RUNX1T1: variants seen among roughly 807,000 people sequenced by gnomAD.
RUNX1T1 encodes the protein RUNX1 partner transcriptional co-repressor 1, also known as protein CBFA2T1.
In RUNX1T1, 4 loss-of-function variants were observed where a neutral mutation model predicts 62.8. That is an observed-to-expected ratio of 0.06 (90% CI 0.03 to 0.15). The LOEUF (loss-of-function observed/expected upper bound fraction) is 0.15, where lower values mean the gene tolerates loss of function less well. Among genes scored for constraint, RUNX1T1 ranks in the 10% least tolerant of loss-of-function variants. The pLI is 1.00. For missense variants in RUNX1T1, 508 were observed against 754.3 expected (o/e 0.67, Z 3.82); for synonymous variants, 291 against 286.0 (o/e 1.02, Z -0.18).
intron 2 of RUNX1T1, chr8:92,071,197 A>C (rs1377887983): frequency 6.6e-6 from 1 of 152,228 alleles, no homozygotes; most frequent in Non-Finnish European, 1.5e-5. Flanking sequence ...AAAAGGAAAA[A>C]ACATTCAAGT....
chr8:91,995,034 A>AT (rs1818403753), intron 5 of RUNX1T1, among the ~76,000 whole-genome samples: 1 of 152,224 alleles, frequency 6.6e-6, no homozygotes, highest in South Asian at 2.1e-4. Context: ...TGAACAATTT[A>AT]TTATTTATAC....
At chr8:92,066,557 G>A (rs1295266021), upstream of RUNX1T1, among the ~76,000 whole-genome samples, 1 of 152,210 alleles carries the variant, frequency 6.6e-6, no homozygotes, top group East Asian at 1.9e-4. Context: ...TTGGGCTAAG[G>A]GAGATGGACC....
At chr8:92,069,174 G>A (rs1181273413) in intron 2 of RUNX1T1, among the ~76,000 whole-genome samples, 4 of 149,606 alleles carry the variant, frequency 2.7e-5, no homozygotes, top group Non-Finnish European at 3.0e-5. Context: ...TCTAAAATGA[G>A]CATGTATTAT....
chr8:92,038,057 T>TATTTATTTATTTATTTATTTA (rs1827752996), intron 1 of RUNX1T1, among the ~76,000 whole-genome samples: 1 of 151,846 alleles, frequency 6.6e-6, no homozygotes, highest in African/African-American at 2.4e-5. Flanking sequence ...TTTATTTATT[T>TATTTATTTATTTATTTATTTA]ATTTATTTAT....
upstream of RUNX1T1, among the ~76,000 whole-genome samples, chr8:92,066,960 T>C (rs1327155144): frequency 6.6e-6 from 1 of 152,204 alleles, no homozygotes; most frequent in Non-Finnish European, 1.5e-5. Context: ...CCCTCAAATA[T>C]TTCCTTTGGG....
At chr8:91,963,975 T>G (rs1332119489) in intron 10 of RUNX1T1, among the ~76,000 whole-genome samples, 1 of 152,176 alleles carries the variant, frequency 6.6e-6, no homozygotes, top group African/African-American at 2.4e-5. Flanking sequence ...TTTGTGATAA[T>G]GTTATTCCCT....
At chr8:91,976,238 T>A (rs1813916092) in intron 8 of RUNX1T1, among the ~76,000 whole-genome samples, 1 of 152,236 alleles carries the variant, frequency 6.6e-6, no homozygotes, top group East Asian at 1.9e-4. Flanking sequence ...TACAATATGA[T>A]GTTTGGGAAC....
chr8:92,067,951 G>A (rs1317150047), upstream of RUNX1T1, among the ~76,000 whole-genome samples: 1 of 152,042 alleles, frequency 6.6e-6, no homozygotes, highest in Non-Finnish European at 1.5e-5. Flanking sequence ...TAAATTTTAT[G>A]CTATTTAAAC....
chr8:92,032,382 T>C (rs1010662956), intron 1 of RUNX1T1, among the ~76,000 whole-genome samples: 1 of 152,114 alleles, frequency 6.6e-6, no homozygotes, highest in Non-Finnish European at 1.5e-5. Flanking sequence ...TCACTCATTC[T>C]GTATGAATAA....
chr8:92,014,992 A>G (rs1563760022), intron 2 of RUNX1T1, among the ~76,000 whole-genome samples, 172 bp from the exon 4 acceptor site: 1 of 152,214 alleles, frequency 6.6e-6, no homozygotes, highest in South Asian at 2.1e-4. Flanking sequence ...CAGGTACTCT[A>G]TAACTAAATG....
At chr8:92,004,183 T>C (rs1820290680) in intron 5 of RUNX1T1, among the ~76,000 whole-genome samples, 1 of 152,168 alleles carries the variant, frequency 6.6e-6, no homozygotes, top group African/African-American at 2.4e-5. Context: ...GTCAGGGTGT[T>C]AACCTCTCAA....
rs537915137 is a variant in RUNX1T1, at chr8:92,043,794, T to A, written c.7+18752A>T. Among the ~76,000 whole-genome samples, 40 of 152,028 alleles carry A rather than the reference T, an allele frequency of 2.6e-4. No individual in the cohort carries two copies. In the South Asian group the frequency reaches 8.1e-3, roughly 31 times the overall value. On this transcript the variant is annotated intron_variant, in intron 1 of 10. Coordinates refer to ENST00000396218, the Ensembl canonical transcript of RUNX1T1. The stretch of plus-strand genomic sequence containing the variant: ...AAGTTCGAGACCAGCCTGGCTAACA[T>A]GGTGAAACCCCATCTCTACTAAAAA...
At chr8:91,978,685 A>T (rs1350735778) in intron 8 of RUNX1T1, among the ~76,000 whole-genome samples, 4 of 152,174 alleles carry the variant, frequency 2.6e-5, no homozygotes, top group Non-Finnish European at 4.4e-5. Context: ...TTCTTAGATG[A>T]CACTTTCAAA....
At chr8:91,971,708 C>A (rs1489740248) in intron 9 of RUNX1T1, among the ~76,000 whole-genome samples, 1 of 152,108 alleles carries the variant, frequency 6.6e-6, no homozygotes, top group African/African-American at 2.4e-5. Flanking sequence ...TTTTGCATAA[C>A]CAACTGTTGC....
chr8:92,097,080 G>C (rs1170802421), intron 1 of RUNX1T1, among the ~76,000 whole-genome samples: 1 of 152,164 alleles, frequency 6.6e-6, no homozygotes, highest in African/African-American at 2.4e-5. Flanking sequence ...ATAGGTGGGG[G>C]AAGGGCATGT....
At chr8:92,057,930 C>T (rs964689321) in intron 1 of RUNX1T1, among the ~76,000 whole-genome samples, 1 of 152,134 alleles carries the variant, frequency 6.6e-6, no homozygotes, top group Non-Finnish European at 1.5e-5. Flanking sequence ...AATGCCCTAT[C>T]CTTAGTATAA....
At chr8:92,099,163 TGGG>T (rs1377315717) in intron 1 of RUNX1T1, among the ~76,000 whole-genome samples, 1 of 152,174 alleles carries the variant, frequency 6.6e-6, no homozygotes, top group Non-Finnish European at 1.5e-5. Flanking sequence ...TTTAACAAGT[TGGG>T]GGAGACAACA....
At chr8:92,045,094 A>G (rs561025326) in intron 1 of RUNX1T1, among the ~76,000 whole-genome samples, 2 of 151,698 alleles carry the variant, frequency 1.3e-5, no homozygotes, top group South Asian at 4.2e-4. Flanking sequence ...ATATCGATAT[A>G]TATATTATAC....
chr8:92,002,919 T>C (rs956712134), intron 5 of RUNX1T1, among the ~76,000 whole-genome samples: 1 of 151,736 alleles, frequency 6.6e-6, no homozygotes, highest in African/African-American at 2.4e-5. Context: ...AAAGAAAAAA[T>C]ACTGTAGAGG....
Sources: gnomAD v4.1 joint callset for allele counts (sites outside exome capture counted in the v4.1 genomes callset) on GRCh38, gnomAD v4.1.1 for gene constraint, MANE v1.5 for transcripts, NCBI Gene and HGNC (gene_info 2026-07-23, HGNC 2026-07-21) for gene names.